The following GFRAL variants were observed in gnomAD, a reference collection of about 807,000 sequenced individuals.
The protein encoded by GFRAL is GDNF family receptor alpha-like.
In GFRAL, 36 loss-of-function variants were observed where a neutral mutation model predicts 45.4. The ratio of observed to expected loss-of-function variants is 0.79; its 90% CI spans 0.61 to 1.05. GFRAL has a LOEUF of 1.05. Among genes scored for constraint, GFRAL ranks in the 50% least tolerant of loss-of-function variants. GFRAL has a pLI of 0.00. For synonymous variants in GFRAL, 166 were observed against 154.1 expected, an observed-to-expected ratio of 1.08 and a Z score of -0.57; for missense variants, 507 against 467.5, an observed-to-expected ratio of 1.08 and a Z score of -0.78.
chr6:55,361,809 A>G (rs1013970242), intron 6 of GFRAL, among the ~76,000 whole-genome samples: 1 of 152,062 alleles, frequency 6.6e-6, no homozygotes, highest in Admixed American at 6.6e-5. Context: ...ATCGGTCATT[A>G]CAGTATGTTT....
At chr6:55,371,177 T>C (rs1425431125) in intron 6 of GFRAL, among the ~76,000 whole-genome samples, 1 of 152,230 alleles carries the variant, frequency 6.6e-6, no homozygotes, top group Non-Finnish European at 1.5e-5. Flanking sequence ...TTGCTATCTA[T>C]AATTATTTCT....
intron 1 of GFRAL, among the ~76,000 whole-genome samples, chr6:55,329,476 A>G (rs889898821): frequency 6.6e-6 from 1 of 152,154 alleles, no homozygotes; most frequent in Non-Finnish European, 1.5e-5. Flanking sequence ...ACAAGATATA[A>G]TGATTAATGG....
At chr6:55,346,424 A>G (rs1433812981) in intron 3 of GFRAL, among the ~76,000 whole-genome samples, 2 of 152,146 alleles carry the variant, frequency 1.3e-5, no homozygotes, top group African/African-American at 4.8e-5. Flanking sequence ...CATCATTCTC[A>G]GCAAACTATC....
At chr6:55,398,506 A>G (rs1768855577) in intron 6 of GFRAL, among the ~76,000 whole-genome samples, 1 of 152,238 alleles carries the variant, frequency 6.6e-6, no homozygotes, top group African/African-American at 2.4e-5. Context: ...AGTTAATTGT[A>G]ACAATTGCAT....
intron 6 of GFRAL, among the ~76,000 whole-genome samples, chr6:55,381,020 C>A (rs1389967541): frequency 6.6e-6 from 1 of 151,976 alleles, no homozygotes; most frequent in African/African-American, 2.4e-5. Flanking sequence ...TATTTTCCAA[C>A]ACTTTTCCTT....
intron 3 of GFRAL, among the ~76,000 whole-genome samples, chr6:55,340,868 G>T (rs570058515): frequency 3.3e-5 from 5 of 152,332 alleles, no homozygotes; most frequent in African/African-American, 1.2e-4. Flanking sequence ...GGCACACCAG[G>T]AGATTATATC....
chr6:55,387,677 G>T (rs1768696787), intron 6 of GFRAL, among the ~76,000 whole-genome samples: 1 of 152,172 alleles, frequency 6.6e-6, no homozygotes, highest in South Asian at 2.1e-4. Context: ...AGAATCCATT[G>T]ATGATGGCAA....
chr6:55,365,842 C>T (rs1433353879), intron 6 of GFRAL, among the ~76,000 whole-genome samples: 20 of 149,208 alleles, frequency 1.3e-4, no homozygotes, highest in African/African-American at 4.7e-4. Flanking sequence ...TTCATTTTGC[C>T]AGTATTTTAT....
In GFRAL at chr6:55,355,240, G is replaced by A. The variant is rs1768174195; in HGVS notation, c.702-3648G>A. ...GGGTCTGTTAGGGAGTCGGGGGCGA[G>A]GGGAGGGAACTTAGAGGACAGGTCA... is the stretch of plus-strand genomic sequence containing the variant. On this transcript the variant is annotated intron_variant, in intron 5 of 8. Coordinates refer to ENST00000340465, the MANE Select transcript of GFRAL (RefSeq NM_207410.2). Among the ~76,000 whole-genome samples, 3 of 151,728 alleles carry A rather than the reference G, an allele frequency of 2.0e-5. No homozygotes were observed. In the South Asian group the frequency reaches 6.2e-4, roughly 31 times the overall value.
At chr6:55,343,695 A>C (rs950783435) in intron 3 of GFRAL, among the ~76,000 whole-genome samples, 2 of 152,146 alleles carry the variant, frequency 1.3e-5, no homozygotes, top group Non-Finnish European at 1.5e-5. Context: ...AACTGAAGGA[A>C]ATAGAGACAC....
chr6:55,366,419 G>A (rs1013689895), intron 6 of GFRAL, among the ~76,000 whole-genome samples: 7 of 146,022 alleles, frequency 4.8e-5, no homozygotes, highest in Non-Finnish European at 9.1e-5. Flanking sequence ...TTTTTGAAGG[G>A]TTTTTTGTGT....
chr6:55,380,512 T>A (rs1158188983), intron 6 of GFRAL, among the ~76,000 whole-genome samples: 1 of 151,932 alleles, frequency 6.6e-6, no homozygotes, highest in African/African-American at 2.4e-5. Flanking sequence ...AACATGTATT[T>A]AAAAAGTTAT....
intron 6 of GFRAL, among the ~76,000 whole-genome samples, chr6:55,386,458 A>C (rs1768683294): frequency 6.6e-6 from 1 of 152,128 alleles, no homozygotes; most frequent in African/African-American, 2.4e-5. Flanking sequence ...AGTTTAAGTG[A>C]ATGCGTGTCT....
chr6:55,351,722 T>A (rs2127355419), intron 5 of GFRAL, 139 bp downstream of exon 5: 2 of 589,882 alleles, frequency 3.4e-6, no homozygotes, highest in Non-Finnish European at 5.7e-6. Flanking sequence ...AGACAATTAA[T>A]ATTTTTTTGA....
chr6:55,395,556 A>G (rs1257664774), intron 6 of GFRAL, among the ~76,000 whole-genome samples: 2 of 151,892 alleles, frequency 1.3e-5, no homozygotes, highest in Non-Finnish European at 2.9e-5. Context: ...ACTCTTCTAA[A>G]TGTTGCTTTA....
chr6:55,357,857 A>T (rs975977442), intron 5 of GFRAL, among the ~76,000 whole-genome samples: 3 of 151,792 alleles, frequency 2.0e-5, no homozygotes, highest in Admixed American at 6.6e-5. Context: ...AATAAATAGC[A>T]TGTAGGTACA....
chr6:55,386,257 TA>T (rs1344670598), intron 6 of GFRAL, among the ~76,000 whole-genome samples: 1 of 152,124 alleles, frequency 6.6e-6, no homozygotes, highest in African/African-American at 2.4e-5. Flanking sequence ...ACAATCATAA[TA>T]AGGCACGTTT....
intron 6 of GFRAL, among the ~76,000 whole-genome samples, chr6:55,397,398 G>C (rs1209907581): frequency 6.8e-6 from 1 of 147,032 alleles, no homozygotes; most frequent in Non-Finnish European, 1.5e-5. Flanking sequence ...GGCGCCTGTA[G>C]TCCCAGCTAC....
In GFRAL at chr6:55,329,455, A is replaced by G. The variant is rs369497811; in HGVS notation, c.22+1879A>G. Among the ~76,000 whole-genome samples the G allele has an allele frequency of 2.8e-4, 42 of 152,240 alleles. 1 individual carries two copies. The South Asian group carries it at 4.3e-3, about 16-fold the overall frequency. On this transcript the variant is annotated intron_variant, in intron 1 of 8. Coordinates refer to ENST00000340465, the MANE Select transcript of GFRAL (RefSeq NM_207410.2). ...ATATTATCACTTATAAGATTCTTGA[A>G]GGGGCTTTTCACAAGATATAATGAT... is the stretch of plus-strand genomic sequence containing the variant.
Sources: allele counts gnomAD v4.1 joint callset (sites outside exome capture counted in the v4.1 genomes callset), GRCh38; gene constraint gnomAD v4.1.1; transcripts MANE v1.5; gene names NCBI Gene and HGNC (gene_info 2026-07-23, HGNC 2026-07-21).